ACBD7: variants seen among roughly 807,000 people sequenced by gnomAD.
ACBD7 encodes the protein acyl-CoA-binding domain-containing protein 7.
A neutral mutation model predicts 13.7 loss-of-function variants in ACBD7; 11 were observed. The ratio of observed to expected loss-of-function variants is 0.80; its 90% CI spans 0.50 to 1.33. The LOEUF (loss-of-function observed/expected upper bound fraction) is 1.33. Among genes scored for constraint, ACBD7 ranks in the 40% most tolerant of loss-of-function variants. The pLI is 0.00. For missense variants in ACBD7, 111 were observed against 103.0 expected (o/e 1.08, Z -0.33); for synonymous variants, 43 against 37.7 (o/e 1.14, Z -0.51).
intron 1 of ACBD7, chr10:15,088,407 G>A (rs1215902365): frequency 2.0e-6 from 1 of 488,888 alleles, no homozygotes; most frequent in Non-Finnish European, 3.6e-6. Flanking sequence ...GGGCGGGAGC[G>A]GGGGATCTCG....
At chr10:15,088,479 C>A (rs1054512831) in intron 1 of ACBD7, 13 of 573,012 alleles carry the variant, frequency 2.3e-5, no homozygotes, top group African/African-American at 2.0e-4. Flanking sequence ...TCCTGCCTTG[C>A]CTGCTTTTCC....
At position 15,078,981 on chromosome 10, in the gene ACBD7, T is replaced by C; in HGVS notation, c.72A>G (p.Gly24=). 6.2e-7 allele frequency: 1 copy of C among 1,609,416 alleles called. No homozygotes were observed. The highest frequency in any genetic ancestry group is 1.1e-5 in the South Asian group (1 of 90,414). ...AAAGCCCATAGAGTTCTTTCAGTTCTCCATCATCTGGTCTTGCTTTCAGCT... is the reference window on the plus strand; with the variant it reads ...AAAGCCCATAGAGTTCTTTCAGTTCCCCATCATCTGGTCTTGCTTTCAGCT... The part of the protein sequence containing the change: ...VRKLKARPDD[G]ELKELYGLYK... The change falls in exon 2 of 4, where the codon GGA becomes GGG. Residue 24 remains glycine, a synonymous_variant. Coordinates refer to ENST00000356189, the MANE Select transcript of ACBD7 (RefSeq NM_001039844.3).
Position 15,076,848 on chromosome 10 carries a change from T to C in ACBD7, c.*1682A>G. ...CCTGTTTTTATTTCACCAGTAACAT[T>C]AACTTATTGTAACAGAACAGATGAG... On this transcript the variant is annotated 3_prime_UTR_variant, in exon 4 of 4. Transcript: ENST00000356189. 1 of 985,384 alleles carries C rather than the reference T, an allele frequency of 1.0e-6. No homozygotes were observed. The highest frequency in any genetic ancestry group is 1.2e-6 in the Non-Finnish European group (1 of 829,936). The allele number at this position is 985,384 out of a possible 1,614,324, so 61.0% of individuals were successfully genotyped here.
Position 15,075,805 on chromosome 10 carries a change from C to G in ACBD7, c.*2725G>C, listed in dbSNP as rs562494507. On this transcript the variant is annotated 3_prime_UTR_variant, in exon 4 of 4. Coordinates refer to ENST00000356189, the MANE Select transcript of ACBD7 (RefSeq NM_001039844.3). ...CCTGGGCAACATGGTGAAACCCTGT[C>G]TCTATGAAAAATACAAAAATTAGCT... is the stretch of plus-strand genomic sequence containing the variant. 1.3e-5 allele frequency among the ~76,000 whole-genome samples: 2 copies of G among 152,084 alleles called. No homozygotes were observed. The highest frequency in any genetic ancestry group is 4.2e-4 in the South Asian group (2 of 4,810).
intron 1 of ACBD7, among the ~76,000 whole-genome samples, chr10:15,083,107 G>A (rs567567812): frequency 7.9e-5 from 12 of 152,292 alleles, no homozygotes; most frequent in Admixed American, 6.5e-4. Flanking sequence ...GAAGAGCTAT[G>A]CCCTCACACA....
At chr10:15,080,369 C>A (rs978790578) in intron 1 of ACBD7, among the ~76,000 whole-genome samples, 5 of 151,886 alleles carry the variant, frequency 3.3e-5, no homozygotes, top group Admixed American at 3.3e-4. Context: ...CGCTTGAGGT[C>A]AGGAGTTCGA....
In ACBD7 at chr10:15,078,691, C is replaced by T. The variant is rs1313398645; in HGVS notation, c.193G>A (p.Gly65Arg). The T allele has an allele frequency of 6.2e-7, 1 of 1,613,884 alleles. No individual in the cohort carries two copies. Among genetic ancestry groups the T allele is most frequent in the African/African-American group, 1.3e-5 (1 of 74,970 alleles). The stretch of plus-strand genomic sequence containing the variant: ...TTAAACTTGTGAAAGACTAAAAAAC[C>T]TTTTTTGAGGTTCCATGCTTCCCAT... ...AKWEAWNLKK[G>R]LSTEDATSAY... Residue 65 changes from glycine to arginine, a missense_variant and splice_region_variant, in exon 3 of 4, where the codon GGG becomes AGG. By Grantham distance (125) the Gly-to-Arg change is moderately radical. Transcript: ENST00000356189.
chr10:15,088,470 C>G, intron 1 of ACBD7: 1 of 555,052 alleles, frequency 1.8e-6, no homozygotes, highest in East Asian at 3.5e-5. Context: ...CCCCGGCGCT[C>G]CTGCCTTGCC....
At position 15,076,855 on chromosome 10, in the gene ACBD7, T is replaced by C. The variant is rs190939308; in HGVS notation, c.*1675A>G. On this transcript the variant is annotated 3_prime_UTR_variant, in exon 4 of 4. Coordinates refer to ENST00000356189, the MANE Select transcript of ACBD7 (RefSeq NM_001039844.3). ...TTATTTCACCAGTAACATTAACTTA[T>C]TGTAACAGAACAGATGAGCCAAAAG... 22 of 985,412 alleles carry C rather than the reference T, an allele frequency of 2.2e-5. No homozygotes were observed. The African/African-American group carries it at 2.6e-4, about 12-fold the overall frequency. The allele number at this position is 985,412 out of a possible 1,614,324, so 61.0% of individuals were successfully genotyped here. A position where few individuals can be genotyped will look rare whatever the true frequency, so the allele number is the denominator to read the frequency against.
intron 1 of ACBD7, among the ~76,000 whole-genome samples, chr10:15,083,053 A>G (rs1844768040): frequency 6.6e-6 from 1 of 152,102 alleles, no homozygotes; most frequent in Non-Finnish European, 1.5e-5. Flanking sequence ...AAGAAAAAAG[A>G]AAAGAAAAAA....
rs1157569401 is a variant in ACBD7, at chr10:15,077,448, G to A, written c.*1082C>T. ...GGTGTATACAGGGTCATGGAGTGTG[G>A]AATAATAGACACTGGAGGCTTGGAA... On this transcript the variant is annotated 3_prime_UTR_variant, in exon 4 of 4. Transcript: ENST00000356189. The A allele has an allele frequency of 6.6e-6, 1 of 152,094 alleles. No individual in the cohort carries two copies. The highest frequency in any genetic ancestry group is 1.5e-5 in the Non-Finnish European group (1 of 68,038). The allele number at this position is 152,094 out of a possible 1,614,324, so 9.4% of individuals were successfully genotyped here. A position where few individuals can be genotyped will look rare whatever the true frequency, so the allele number is the denominator to read the frequency against.
Position 15,076,810 on chromosome 10 carries a change from T to G in ACBD7, c.*1720A>C. On this transcript the variant is annotated 3_prime_UTR_variant, in exon 4 of 4. Transcript: ENST00000356189. ...GAGCCACCACGCTCAGCCTTGCCAT[T>G]GATTCTTAATAACCTGTTTTTATTT... 1.0e-6 allele frequency: 1 copy of G among 985,424 alleles called. No individual in the cohort carries two copies. The highest frequency in any genetic ancestry group is 1.2e-6 in the Non-Finnish European group (1 of 829,932). 61.0% of individuals were successfully genotyped at this position (985,424 alleles called of 1,614,324 possible).
At chr10:15,082,296 A>G (rs549126372) in intron 1 of ACBD7, among the ~76,000 whole-genome samples, 34 of 151,982 alleles carry the variant, frequency 2.2e-4, no homozygotes, top group Admixed American at 5.3e-4. Context: ...AAAAAAAAAA[A>G]AAAAAAAGGT....
intron 1 of ACBD7, among the ~76,000 whole-genome samples, chr10:15,083,779 G>A (rs1382487953): frequency 3.9e-5 from 6 of 152,164 alleles, no homozygotes; most frequent in African/African-American, 9.7e-5. Flanking sequence ...CACGATGCCC[G>A]GCCAAGAATG....
chr10:15,088,447 C>A (rs959239196), intron 1 of ACBD7: 1 of 525,252 alleles, frequency 1.9e-6, no homozygotes, highest in South Asian at 2.4e-5. Context: ...GAGGAGGAGG[C>A]CCGCTCCGTG....
Position 15,076,355 on chromosome 10 carries a change from T to C in ACBD7, c.*2175A>G, listed in dbSNP as rs182000210. On this transcript the variant is annotated 3_prime_UTR_variant, in exon 4 of 4. Coordinates refer to ENST00000356189, the MANE Select transcript of ACBD7 (RefSeq NM_001039844.3). The stretch of plus-strand genomic sequence containing the variant: ...TTTTACTCAGATAGAACTGAACATA[T>C]GGGGTACAGTAGTGGTACAGTTTAT... The C allele has an allele frequency of 1.6e-3, 1,538 of 985,250 alleles. 4 individuals carry two copies. The highest frequency in any genetic ancestry group is 5.7e-3 in the Middle Eastern group (11 of 1,914). 61.0% of individuals were successfully genotyped at this position (985,250 alleles called of 1,614,324 possible).
At chr10:15,080,948 GC>G (rs1407695463) in intron 1 of ACBD7, among the ~76,000 whole-genome samples, 2 of 152,104 alleles carry the variant, frequency 1.3e-5, no homozygotes, top group Admixed American at 6.6e-5. Flanking sequence ...GCCACCCCCT[GC>G]CCCCCATACT....
rs10541297 is a variant in ACBD7 at position 15,075,976 on chromosome 10, C to CAAAAAAA, written c.*2547_*2553dup. ...GTAACAGAGTGACAGCCTGTCTCAA[C>CAAAAAAA]AAAAAAAAAAAAAAAAAAAAAGAAA... On this transcript the variant is annotated 3_prime_UTR_variant, in exon 4 of 4. Transcript: ENST00000356189. 4.5e-5 allele frequency: 14 copies of CAAAAAAA among 313,710 alleles called. 1 individual carries two copies. The highest frequency in any genetic ancestry group is 1.4e-4 in the South Asian group (1 of 7,160). 19.4% of individuals were successfully genotyped at this position (313,710 alleles called of 1,614,324 possible).
chr10:15,077,344 GA>G lies in ACBD7; in HGVS notation c.*1185del, dbSNP rs1206097949. The stretch of plus-strand genomic sequence containing the variant: ...AGTGAAACAACTCAGAAAAAAATAA[GA>G]AAATAAAGATTTTTAAAGAACCCTC... On this transcript the variant is annotated 3_prime_UTR_variant, in exon 4 of 4. Transcript: ENST00000356189. Among the ~76,000 whole-genome samples, 1 of 151,598 alleles carries G rather than the reference GA, an allele frequency of 6.6e-6. No homozygotes were observed. Among genetic ancestry groups the G allele is most frequent in the Non-Finnish European group, 1.5e-5 (1 of 67,872 alleles).
Sources: allele counts gnomAD v4.1 joint callset (sites outside exome capture counted in the v4.1 genomes callset), GRCh38; gene constraint gnomAD v4.1.1; transcripts MANE v1.5; gene names NCBI Gene and HGNC (gene_info 2026-07-23, HGNC 2026-07-21).